CYSLTR2: variants seen among roughly 807,000 people sequenced by gnomAD.
The protein encoded by CYSLTR2 is cysteinyl leukotriene receptor 2, also known as G-protein coupled receptor GPCR21.
For synonymous variants in CYSLTR2, 179 were observed against 160.8 expected (o/e 1.11, Z -0.86); for missense variants, 398 against 411.9 (o/e 0.97, Z 0.29).
chr13:48,657,423 C>G (rs1210248567), intron 1 of CYSLTR2, among the ~76,000 whole-genome samples: 2 of 151,380 alleles, frequency 1.3e-5, no homozygotes, highest in Non-Finnish European at 2.9e-5. Flanking sequence ...GTGTAAAGTC[C>G]TTAACGGAGA....
chr13:48,685,602 A>T (rs749351599), intron 1 of CYSLTR2, among the ~76,000 whole-genome samples: 1 of 152,200 alleles, frequency 6.6e-6, no homozygotes, highest in Non-Finnish European at 1.5e-5. Context: ...ATGCTTGGAA[A>T]TGCTGATGTA....
At chr13:48,691,162 A>T (rs546604261) in intron 1 of CYSLTR2, 50 bp from the exon 2 acceptor site, 1 of 152,218 alleles carries the variant, frequency 6.6e-6, no homozygotes, top group South Asian at 2.1e-4. Flanking sequence ...CAGTGATAGC[A>T]TATCCTACTA....
intron 4 of CYSLTR2, among the ~76,000 whole-genome samples, chr13:48,697,919 T>C (rs1954237063): frequency 6.6e-6 from 1 of 152,126 alleles, no homozygotes; most frequent in African/African-American, 2.4e-5. Context: ...AGGTTATCAG[T>C]GATTTAAGAT....
chr13:48,694,877 C>G (rs1454380677), intron 3 of CYSLTR2: 3 of 152,096 alleles, frequency 2.0e-5, no homozygotes, highest in African/African-American at 7.2e-5. Flanking sequence ...ACAAGCACCA[C>G]TGAGCAGTTT....
intron 1 of CYSLTR2, among the ~76,000 whole-genome samples, chr13:48,689,400 G>T (rs1048773481): frequency 1.3e-5 from 2 of 152,156 alleles, no homozygotes; most frequent in African/African-American, 4.8e-5. Context: ...TTACATTTAA[G>T]TCTTTAATCC....
At chr13:48,688,834 C>G (rs1444021270) in intron 1 of CYSLTR2, among the ~76,000 whole-genome samples, 1 of 152,240 alleles carries the variant, frequency 6.6e-6, no homozygotes, top group African/African-American at 2.4e-5. Context: ...AATCGCCGCA[C>G]TGCCTTCCAC....
intron 1 of CYSLTR2, among the ~76,000 whole-genome samples, chr13:48,668,322 A>G (rs1566083884): frequency 6.6e-6 from 1 of 151,694 alleles, no homozygotes; most frequent in Non-Finnish European, 1.5e-5. Context: ...GGTTATTTGG[A>G]TTGGCAAGAG....
chr13:48,674,419 G>C (rs868240859), intron 1 of CYSLTR2, among the ~76,000 whole-genome samples: 29 of 152,056 alleles, frequency 1.9e-4, no homozygotes, highest in Admixed American at 7.2e-4. Flanking sequence ...TTCTGCTATT[G>C]ATACTTGTAT....
Position 48,665,250 on chromosome 13 carries a change from G to C in CYSLTR2, c.-266+11233G>C, listed in dbSNP as rs146528917. The stretch of plus-strand genomic sequence containing the variant: ...GTCCTAATATATTGTAAATCATGGA[G>C]AATGTTTCACACGCTGATGAAAAAT... On this transcript the variant is annotated intron_variant, in intron 1 of 4. Transcript: ENST00000682523. Among the ~76,000 whole-genome samples the C allele has an allele frequency of 5.3e-4, 81 of 152,208 alleles. No homozygotes were observed. The Middle Eastern group carries it at 0.014, about 26-fold the overall frequency.
At chr13:48,684,376 T>A (rs1953841951) in intron 1 of CYSLTR2, among the ~76,000 whole-genome samples, 1 of 151,730 alleles carries the variant, frequency 6.6e-6, no homozygotes, top group African/African-American at 2.4e-5. Context: ...TGGCATCAAC[T>A]CTCACATTCC....
At chr13:48,656,011 A>C (rs1272858155) in intron 1 of CYSLTR2, among the ~76,000 whole-genome samples, 1 of 152,252 alleles carries the variant, frequency 6.6e-6, no homozygotes, top group Non-Finnish European at 1.5e-5. Flanking sequence ...AAAAAGCAAG[A>C]TACAAACAGC....
intron 1 of CYSLTR2, among the ~76,000 whole-genome samples, chr13:48,677,784 T>C (rs1240559151): frequency 2.0e-5 from 3 of 152,162 alleles, no homozygotes; most frequent in Non-Finnish European, 4.4e-5. Flanking sequence ...GCTGCTTTTC[T>C]TTTTTTATTA....
At chr13:48,705,691 T>C (rs1420053963) in intron 4 of CYSLTR2, among the ~76,000 whole-genome samples, 2 of 150,080 alleles carry the variant, frequency 1.3e-5, no homozygotes, top group East Asian at 1.9e-4. Flanking sequence ...AAGTGAAGTA[T>C]AGAAAACTTC....
chr13:48,697,408 T>C (rs76643054), intron 4 of CYSLTR2, among the ~76,000 whole-genome samples: 7 of 152,070 alleles, frequency 4.6e-5, no homozygotes, highest in Admixed American at 3.9e-4. Flanking sequence ...GGGTCTGGAG[T>C]GGACCTCCAG....
intron 4 of CYSLTR2, among the ~76,000 whole-genome samples, chr13:48,701,742 A>T (rs570711949): frequency 1.3e-5 from 2 of 152,354 alleles, no homozygotes; most frequent in South Asian, 4.1e-4. Context: ...AATGGCAATC[A>T]TTAAAAAGTC....
At chr13:48,669,364 G>A (rs1953356629) in intron 1 of CYSLTR2, among the ~76,000 whole-genome samples, 1 of 151,590 alleles carries the variant, frequency 6.6e-6, no homozygotes, top group Non-Finnish European at 1.5e-5. Flanking sequence ...TGCCATGATT[G>A]TTTGCTGCAC....
rs141963167 is a variant in CYSLTR2, at chr13:48,707,360, C to T, written c.543C>T (p.Asn181=). ...IMLLDSGSEQ[N]GSVTSCLELN... is the part of the protein sequence containing the mutation. ...TCCTGGACAGTGGCTCTGAGCAGAACGGCAGTGTCACATCATGCTTAGAGC... is the reference window on the plus strand; with the variant it reads ...TCCTGGACAGTGGCTCTGAGCAGAATGGCAGTGTCACATCATGCTTAGAGC... Residue 181 remains asparagine (N), a synonymous_variant, in exon 5 of 5, where the codon AAC becomes AAT. Transcript: ENST00000682523. The T allele has an allele frequency of 3.7e-4, 596 of 1,614,052 alleles. 1 individual carries two copies. The African/African-American group carries it at 6.6e-3, about 18-fold the overall frequency.
At chr13:48,687,184 C>A (rs901564050) in intron 1 of CYSLTR2, among the ~76,000 whole-genome samples, 2 of 152,038 alleles carry the variant, frequency 1.3e-5, no homozygotes, top group African/African-American at 4.8e-5. Context: ...TCAAACTCAG[C>A]CTGAGAATTA....
At chr13:48,678,652 C>A (rs913031235) in intron 1 of CYSLTR2, among the ~76,000 whole-genome samples, 1 of 152,142 alleles carries the variant, frequency 6.6e-6, no homozygotes, top group African/African-American at 2.4e-5. Context: ...TTCTTGAATG[C>A]CTCAAATCCA....
Sources: allele counts gnomAD v4.1 joint callset (sites outside exome capture counted in the v4.1 genomes callset), GRCh38; gene constraint gnomAD v4.1.1; transcripts MANE v1.5; gene names NCBI Gene and HGNC (gene_info 2026-07-23, HGNC 2026-07-21).